CCDC88A: variants seen among roughly 807,000 people sequenced by gnomAD.
CCDC88A encodes the protein girdin.
In CCDC88A, 54 loss-of-function variants were observed where a neutral mutation model predicts 234.3. The ratio of observed to expected loss-of-function variants is 0.23; its 90% CI spans 0.19 to 0.29. The LOEUF (loss-of-function observed/expected upper bound fraction) is 0.29, where lower values mean the gene tolerates loss of function less well. Ranked by LOEUF, CCDC88A falls within the 10% of genes least tolerant of loss-of-function variation. The pLI is 1.00. For missense variants in CCDC88A, 1,832 were observed against 2,123.4 expected, an observed-to-expected ratio of 0.86 and a Z score of 2.70; for synonymous variants, 753 against 737.8, an observed-to-expected ratio of 1.02 and a Z score of -0.33.
chr2:55,343,215 AAATTAACT>A (rs1668718217), intron 12 of CCDC88A, among the ~76,000 whole-genome samples: 1 of 152,140 alleles, frequency 6.6e-6, no homozygotes, highest in African/African-American at 2.4e-5. Context: ...GAAGATCCTT[AAATTAACT>A]AATTCTAACT....
Position 55,384,541 on chromosome 2 carries a change from GTATATATGTGTATATATACACATATATA to G in CCDC88A, c.273+4209_273+4236del, listed in dbSNP as rs1558787761. On this transcript the variant is annotated intron_variant, in intron 3 of 32. Transcript: ENST00000436346. Reference sequence around the variant, plus strand: ...AAATTATATATATATACATATATACGTATATATGTGTATATATACACATATATACGTATATATGTGTATATATACACAT... The same window carrying G: ...AAATTATATATATATACATATATACGCGTATATATGTGTATATATACACAT... Among the ~76,000 whole-genome samples the G allele has an allele frequency of 2.4e-4, 7 of 29,498 alleles. 2 individuals are homozygous for G. The highest frequency in any genetic ancestry group is 8.7e-4 in the African/African-American group (6 of 6,872). 19.4% of individuals were successfully genotyped at this position (29,498 alleles called of 152,430 possible).
chr2:55,370,085 C>A (rs1160894728), intron 5 of CCDC88A, among the ~76,000 whole-genome samples: 1 of 152,126 alleles, frequency 6.6e-6, no homozygotes, highest in Non-Finnish European at 1.5e-5. Context: ...ATACATCATT[C>A]TGGCACCACA....
At chr2:55,305,907 C>A (rs1681500490) in intron 25 of CCDC88A, among the ~76,000 whole-genome samples, 1 of 151,796 alleles carries the variant, frequency 6.6e-6, no homozygotes, top group Non-Finnish European at 1.5e-5. Flanking sequence ...ATACCTATTA[C>A]TATTTCTTTC....
At chr2:55,349,748 T>A in intron 8 of CCDC88A, 149 bp from the exon 9 acceptor site, 1 of 520,598 alleles carries the variant, frequency 1.9e-6, no homozygotes, top group Non-Finnish European at 3.3e-6. Context: ...AAAAAAAAGA[T>A]AGATATTAGG....
rs764343978 is a variant in CCDC88A at position 55,322,525 on chromosome 2, T to C, written c.3162+3A>G. On this transcript the variant is annotated splice_donor_region_variant and intron_variant, in intron 18 of 32. Transcript: ENST00000436346. Reference sequence around the variant, plus strand: ...ATTTCTACTAAAATTTAAAAATACTTACATTTCTTTCTACTTCAATTAATC... The same window carrying C: ...ATTTCTACTAAAATTTAAAAATACTCACATTTCTTTCTACTTCAATTAATC... 1 of 1,543,088 alleles carries C rather than the reference T, an allele frequency of 6.5e-7. No homozygotes were observed. Among genetic ancestry groups the C allele is most frequent in the Non-Finnish European group, 8.9e-7 (1 of 1,126,784 alleles).
chr2:55,317,270 G>A lies in CCDC88A; in HGVS notation c.3682C>T (p.Leu1228Phe). 1 of 1,550,236 alleles carries A rather than the reference G, an allele frequency of 6.5e-7. No individual in the cohort carries two copies. ...ACTGTTTCATGATTTTTATTTTCAA[G>A]CAGCATTTTTTCCTGTTCTACTTTG... ...MLKVEQEKMLLENKNHETVAA... is the reference protein window; with the variant it reads ...MLKVEQEKMLFENKNHETVAA... Residue 1228 changes from leucine (L) to phenylalanine (F), a missense_variant, in exon 21 of 33, where the codon CTT becomes TTT. Leu to Phe is a conservative substitution (Grantham distance 22, BLOSUM62 0). Transcript: ENST00000436346. The surrounding 1 kb of genome is among the most constrained non-coding windows in gnomAD (Gnocchi z 4.2).
At chr2:55,322,353 G>T (rs1017057797) in intron 18 of CCDC88A, among the ~76,000 whole-genome samples, 175 bp downstream of exon 18, 4 of 145,986 alleles carry the variant, frequency 2.7e-5, no homozygotes, top group Non-Finnish European at 6.0e-5. Flanking sequence ...GGCAGGAGAA[G>T]CAAAAAGAAA....
At chr2:55,308,033 A>G (rs1191131363) in intron 25 of CCDC88A, 1 of 145,024 alleles carries the variant, frequency 6.9e-6, no homozygotes, top group African/African-American at 2.6e-5. Flanking sequence ...GCTGGAGCGC[A>G]ATGGTGCAAT....
At position 55,375,470 on chromosome 2, in the gene CCDC88A, T is replaced by A. The variant is rs1362525663; in HGVS notation, c.274-587A>T. ...AAATTTATAAGTACTGTCACTGTACTATATATATATATATATATATATATA... is the reference window on the plus strand; with the variant it reads ...AAATTTATAAGTACTGTCACTGTACAATATATATATATATATATATATATA... On this transcript the variant is annotated intron_variant, in intron 3 of 32. Transcript: ENST00000436346. Among the ~76,000 whole-genome samples the A allele has an allele frequency of 5.2e-3, 7 of 1,348 alleles. No homozygotes were observed. In the Admixed American group the frequency reaches 0.073, roughly 14 times the overall value. 0.9% of individuals were successfully genotyped at this position (1,348 alleles called of 152,430 possible).
chr2:55,416,039 G>A (rs1160802850), intron 2 of CCDC88A, among the ~76,000 whole-genome samples: 1 of 150,060 alleles, frequency 6.7e-6, no homozygotes, highest in Non-Finnish European at 1.5e-5. Context: ...AATCCATAAT[G>A]GGAAGAAATA....
At position 55,379,853 on chromosome 2, in the gene CCDC88A, C is replaced by T. The variant is rs529005693; in HGVS notation, c.274-4970G>A. ...GCTGGAACTCAGGAGGCATGGGTTG[C>T]GGTGAGCCAAGATTGTGCCATCGCA... On this transcript the variant is annotated intron_variant, in intron 3 of 32. Transcript: ENST00000436346. Among the ~76,000 whole-genome samples the T allele has an allele frequency of 1.4e-4, 22 of 152,002 alleles. No homozygotes were observed. In the Middle Eastern group the frequency reaches 0.01, roughly 71 times the overall value.
At chr2:55,417,412 G>C (rs915228601) in intron 2 of CCDC88A, 1 of 151,916 alleles carries the variant, frequency 6.6e-6, no homozygotes, top group Admixed American at 6.6e-5. Context: ...CCCCAAAAGA[G>C]AAGTCAGTTT....
At chr2:55,393,301 T>TTG (rs1553432728) in intron 2 of CCDC88A, among the ~76,000 whole-genome samples, 5 of 133,318 alleles carry the variant, frequency 3.8e-5, no homozygotes, top group South Asian at 2.5e-4. Flanking sequence ...TTTTTTTTTT[T>TTG]TTTTTTTTTT....
intron 3 of CCDC88A, among the ~76,000 whole-genome samples, chr2:55,385,529 G>A (rs1479904787): frequency 6.6e-6 from 1 of 152,050 alleles, no homozygotes; most frequent in Non-Finnish European, 1.5e-5. Flanking sequence ...AATATTAGAA[G>A]AATAAATACT....
Position 55,305,534 on chromosome 2 carries a change from G to A in CCDC88A, c.4388-2382C>T, listed in dbSNP as rs1681445478. On this transcript the variant is annotated intron_variant, in intron 25 of 32. Coordinates refer to ENST00000436346, the MANE Select transcript of CCDC88A (RefSeq NM_001365480.1). ...AGACTTTTGTGCCTCTCTTGTGTATGCTTATATCTGAATTGACATTTTTTT... is the reference window on the plus strand; with the variant it reads ...AGACTTTTGTGCCTCTCTTGTGTATACTTATATCTGAATTGACATTTTTTT... Among the ~76,000 whole-genome samples the A allele has an allele frequency of 3.3e-5, 5 of 152,070 alleles. No homozygotes were observed. The South Asian group carries it at 1.0e-3, about 32-fold the overall frequency.
intron 8 of CCDC88A, among the ~76,000 whole-genome samples, chr2:55,350,953 A>C (rs1362249963): frequency 6.6e-6 from 1 of 152,180 alleles, no homozygotes; most frequent in Admixed American, 6.5e-5. Context: ...TGCCCAGCCC[A>C]AAACCATAAT....
intron 7 of CCDC88A, among the ~76,000 whole-genome samples, chr2:55,357,862 T>A (rs774074681): frequency 3.3e-5 from 5 of 152,188 alleles, no homozygotes; most frequent in Non-Finnish European, 7.4e-5. Context: ...GAATGTTACC[T>A]CCCATTTTTC....
chr2:55,346,779 T>C (rs1262929440), intron 9 of CCDC88A, among the ~76,000 whole-genome samples: 1 of 152,222 alleles, frequency 6.6e-6, no homozygotes, highest in Non-Finnish European at 1.5e-5. Flanking sequence ...TTTTATGGTA[T>C]GTAAATTATA....
intron 2 of CCDC88A, among the ~76,000 whole-genome samples, chr2:55,403,235 T>C (rs1574483687): frequency 6.6e-6 from 1 of 152,322 alleles, no homozygotes; most frequent in East Asian, 1.9e-4. Context: ...TTCTTTCAAG[T>C]AAAAATGGTG....
Sources: gnomAD v4.1 joint callset for allele counts (sites outside exome capture counted in the v4.1 genomes callset) on GRCh38, gnomAD v4.1.1 for gene constraint, Gnocchi (gnomAD v3.1) non-coding constraint, MANE v1.5 for transcripts, NCBI Gene and HGNC (gene_info 2026-07-23, HGNC 2026-07-21) for gene names.